Variants in NDRG3 observed in about 807,000 individuals in gnomAD.
The protein encoded by NDRG3 is NDRG family member 3.
Under a neutral mutation model 57.2 loss-of-function variants are expected in NDRG3, and 23 were observed. That is an observed-to-expected ratio of 0.40 (90% CI 0.29 to 0.57). The LOEUF (loss-of-function observed/expected upper bound fraction) is 0.57, where lower values mean the gene tolerates loss of function less well. Among genes scored for constraint, NDRG3 ranks in the 20% least tolerant of loss-of-function variants. The pLI is 0.42. For synonymous variants in NDRG3, 132 were observed against 162.6 expected, an observed-to-expected ratio of 0.81 and a Z score of 1.43; for missense variants, 384 against 457.3, an observed-to-expected ratio of 0.84 and a Z score of 1.46.
At chr20:36,702,606 C>A (rs1046276223) in intron 3 of NDRG3, among the ~76,000 whole-genome samples, 2 of 152,098 alleles carry the variant, frequency 1.3e-5, no homozygotes, top group Non-Finnish European at 2.9e-5. Flanking sequence ...TCACTGCACA[C>A]TCTGCCTCCC....
chr20:36,666,635 G>C (rs1979659684), intron 9 of NDRG3, among the ~76,000 whole-genome samples: 1 of 152,138 alleles, frequency 6.6e-6, no homozygotes. Context: ...TCAAGTACTA[G>C]CTGTGGAACT....
chr20:36,690,939 G>GA (rs1048882020), intron 3 of NDRG3, among the ~76,000 whole-genome samples: 5 of 152,198 alleles, frequency 3.3e-5, no homozygotes, highest in South Asian at 4.1e-4. Flanking sequence ...TGGTTGGGTG[G>GA]AAAAAAAAGG....
chr20:36,723,659 A>AGTGTGTGTGTGTGTGTGT (rs36022065), intron 1 of NDRG3, among the ~76,000 whole-genome samples: 54 of 132,940 alleles, frequency 4.1e-4, no homozygotes, highest in Middle Eastern at 3.7e-3. Flanking sequence ...ATATTAGTCT[A>AGTGTGTGTGTGTGTGTGT]GTGTGTGTGT....
intron 13 of NDRG3, among the ~76,000 whole-genome samples, chr20:36,658,241 C>T (rs1467727411): frequency 6.6e-6 from 1 of 152,180 alleles, no homozygotes; most frequent in Non-Finnish European, 1.5e-5. Context: ...AAGCGATTCT[C>T]CTGCCTCAGT....
chr20:36,712,588 T>TATATA (rs1555804489), intron 2 of NDRG3, among the ~76,000 whole-genome samples: 6 of 10,910 alleles, frequency 5.5e-4, no homozygotes, highest in Non-Finnish European at 9.6e-4. Context: ...TATATATATA[T>TATATA]TTTTTTTTTT....
chr20:36,686,276 T>A (rs375386130), intron 5 of NDRG3, among the ~76,000 whole-genome samples: 13 of 152,326 alleles, frequency 8.5e-5, no homozygotes, highest in African/African-American at 3.1e-4. Flanking sequence ...GGTTCAAATC[T>A]TAGCTCTGCC....
intron 3 of NDRG3, 22 bp downstream of exon 3, chr20:36,706,950 T>C (rs747753245): frequency 3.7e-6 from 6 of 1,609,728 alleles, no homozygotes; most frequent in Non-Finnish European, 3.4e-6. Flanking sequence ...CAGAGCCTCC[T>C]TCTTGCTTGT....
chr20:36,737,991 G>T (rs553092770), intron 1 of NDRG3, among the ~76,000 whole-genome samples: 9 of 151,810 alleles, frequency 5.9e-5, no homozygotes, highest in Admixed American at 2.6e-4. Flanking sequence ...TTGAACCTAG[G>T]GGGTGGAGGT....
intron 9 of NDRG3, among the ~76,000 whole-genome samples, chr20:36,667,861 A>T (rs566453241): frequency 6.6e-6 from 1 of 152,332 alleles, no homozygotes; most frequent in Admixed American, 6.5e-5. Flanking sequence ...CGTCTACCTG[A>T]AACTGAAGGG....
chr20:36,678,125 TGTC>T (rs1175677520), intron 8 of NDRG3, among the ~76,000 whole-genome samples: 1 of 152,136 alleles, frequency 6.6e-6, no homozygotes, highest in Non-Finnish European at 1.5e-5. Context: ...GCAATCCACA[TGTC>T]GTTGGAAGGA....
chr20:36,685,995 G>C (rs1164866885), intron 5 of NDRG3, among the ~76,000 whole-genome samples: 1 of 152,274 alleles, frequency 6.6e-6, no homozygotes, highest in Non-Finnish European at 1.5e-5. Flanking sequence ...GGGAAACAAA[G>C]CACTATCCTA....
chr20:36,745,974 G>C (rs1986172015), intron 1 of NDRG3, 71 bp downstream of exon 1: 2 of 321,752 alleles, frequency 6.2e-6, no homozygotes, highest in African/African-American at 2.2e-5. Context: ...GGAAGGAGCA[G>C]GGCAAAGGAG....
At chr20:36,691,479 C>CGATCATCT (rs1479637369) in intron 3 of NDRG3, among the ~76,000 whole-genome samples, 1 of 152,038 alleles carries the variant, frequency 6.6e-6, no homozygotes, top group Non-Finnish European at 1.5e-5. Flanking sequence ...TTTGGGAGGC[C>CGATCATCT]GAGGCAGGCA....
At chr20:36,726,192 G>A (rs1984923645) in intron 1 of NDRG3, among the ~76,000 whole-genome samples, 1 of 152,098 alleles carries the variant, frequency 6.6e-6, no homozygotes, top group Admixed American at 6.6e-5. Flanking sequence ...CCAAAGTGCG[G>A]GATTACAGGT....
Position 36,746,085 on chromosome 20 carries a change from G to GGCA in NDRG3, c.-90_-89insTGC, listed in dbSNP as rs1555809932. On this transcript the variant is annotated 5_prime_UTR_variant, in exon 1 of 16. Coordinates refer to ENST00000349004, the MANE Select transcript of NDRG3 (RefSeq NM_032013.4). The stretch of plus-strand genomic sequence containing the variant: ...CCGCCGTCAGTGCAGCAGCAGCGGC[G>GGCA]GCGGCGGCGGCGGCGGCGGCGGCGG... 1.2e-3 allele frequency: 26 copies of GGCA among 22,374 alleles called. No homozygotes were observed. Among genetic ancestry groups the GGCA allele is most frequent in the East Asian group, 3.3e-3 (3 of 908 alleles). 1.4% of individuals were successfully genotyped at this position (22,374 alleles called of 1,614,324 possible).
chr20:36,729,051 C>T (rs1391968970), intron 1 of NDRG3, among the ~76,000 whole-genome samples: 1 of 152,110 alleles, frequency 6.6e-6, no homozygotes, highest in African/African-American at 2.4e-5. Flanking sequence ...AAGGGATACT[C>T]AACTCATATA....
intron 1 of NDRG3, among the ~76,000 whole-genome samples, chr20:36,737,414 G>C (rs963624009): frequency 6.6e-6 from 1 of 152,114 alleles, no homozygotes; most frequent in Non-Finnish European, 1.5e-5. Context: ...AAGGCAGCCT[G>C]AGTGAGGTAA....
Position 36,666,246 on chromosome 20 carries a change from GA to G in NDRG3, c.692+42del, listed in dbSNP as rs11475488. ...TCCTTCTCCCACCCTCCTCTTTTTA[GA>G]ACCTGTTTACATTTAAGTGAAGAAA... On this transcript the variant is annotated intron_variant, in intron 10 of 15. Coordinates refer to ENST00000349004, the MANE Select transcript of NDRG3 (RefSeq NM_032013.4). 6.2e-3 allele frequency: 8,897 copies of G among 1,436,672 alleles called. 476 individuals carry two copies. The African/African-American group carries it at 0.11, about 18-fold the overall frequency. The allele number at this position is 1,436,672 out of a possible 1,614,324, so 89.0% of individuals were successfully genotyped here.
intron 7 of NDRG3, among the ~76,000 whole-genome samples, chr20:36,681,656 T>A (rs902922230): frequency 1.5e-4 from 22 of 146,444 alleles, no homozygotes; most frequent in African/African-American, 5.0e-4. Flanking sequence ...AAAAAAAAAA[T>A]TTATAATAGG....
Sources: gnomAD v4.1 joint callset for allele counts (sites outside exome capture counted in the v4.1 genomes callset) on GRCh38, gnomAD v4.1.1 for gene constraint, MANE v1.5 for transcripts, NCBI Gene and HGNC (gene_info 2026-07-23, HGNC 2026-07-21) for gene names.